DST: variants seen among roughly 807,000 people sequenced by gnomAD.
The protein encoded by DST is bullous pemphigoid antigen.
In DST, 253 loss-of-function variants were observed where a neutral mutation model predicts 875.2. The observed-to-expected ratio is 0.29, with a 90% CI of 0.26 to 0.32. The LOEUF is 0.32. DST is among the 10% of genes least tolerant of loss of function. The pLI, the probability that DST is intolerant of heterozygous loss-of-function variation, is 1.00. For synonymous variants in DST, 3,124 were observed against 3,197.1 expected (o/e 0.98, Z 0.77); for missense variants, 8,287 against 9,111.6 (o/e 0.91, Z 3.68).
chr6:56,869,303 A>T (rs1195668926), intron 3 of DST, among the ~76,000 whole-genome samples: 7 of 152,226 alleles, frequency 4.6e-5, no homozygotes, highest in Admixed American at 4.6e-4. Context: ...GGGGCAGGAA[A>T]ATAAGAAAAA....
At chr6:56,875,266 G>A (rs920876666) in intron 3 of DST, among the ~76,000 whole-genome samples, 2 of 152,210 alleles carry the variant, frequency 1.3e-5, no homozygotes, top group South Asian at 2.1e-4. Context: ...TTACAGGCAT[G>A]AGCCACCATG....
At chr6:56,618,395 G>A (rs774839539) in intron 36 of DST, 1 of 1,614,110 alleles carries the variant, frequency 6.2e-7, no homozygotes, top group Non-Finnish European at 8.5e-7. Flanking sequence ...CTCAAAATCT[G>A]GTTTGAAGGT....
At chr6:56,642,984 A>G (rs2098920910) in intron 15 of DST, 1 of 1,326,156 alleles carries the variant, frequency 7.5e-7, no homozygotes, top group South Asian at 1.5e-5. Context: ...AAAAGAATCT[A>G]GCCTAAAGCC....
rs372666226 is a variant in DST at position 56,607,264 on chromosome 6, T to C, written c.7364A>G (p.His2455Arg). The C allele has an allele frequency of 6.2e-7, 1 of 1,613,434 alleles. No homozygotes were observed. Among genetic ancestry groups the C allele is most frequent in the Non-Finnish European group, 8.5e-7 (1 of 1,179,654 alleles). The change falls in exon 40 of 104, where the codon CAC (histidine) becomes CGC (arginine). Residue 2455 changes from histidine (H) to arginine (R), a missense_variant. His to Arg is a conservative substitution (Grantham distance 29). Around this residue, in one of 10 missense-constraint regions of DST, gnomAD observed 3,138 missense variants for 3,116.6 expected, o/e 1.01. Coordinates refer to ENST00000680361, the MANE Select transcript of DST (RefSeq NM_001374736.1). ...MHSQGSFNDT[H>R]TPESNGNKCE... ...CTTATTTCCATTGCTCTCTGGGGTGTGTGTATCATTAAAACTTCCCTGACT... is the reference window on the plus strand; with the variant it reads ...CTTATTTCCATTGCTCTCTGGGGTGCGTGTATCATTAAAACTTCCCTGACT...
chr6:56,818,572 C>T (rs1162634712), intron 4 of DST, among the ~76,000 whole-genome samples: 2 of 152,068 alleles, frequency 1.3e-5, no homozygotes, highest in African/African-American at 4.8e-5. Flanking sequence ...GTGTCATCTC[C>T]CAAATGAACT....
At chr6:56,893,598 A>ATTTTTATTTT in intron 3 of DST, among the ~76,000 whole-genome samples, 1 of 72,058 alleles carries the variant, frequency 1.4e-5, no homozygotes. Context: ...ATTTTTTTTT[A>ATTTTTATTTT]TTTTTTATTT....
intron 55 of DST, among the ~76,000 whole-genome samples, chr6:56,563,356 CATGTGTCTGTTGGCTGCATAA>C (rs1045873207): frequency 6.6e-6 from 1 of 152,140 alleles, no homozygotes; most frequent in Non-Finnish European, 1.5e-5. Context: ...AGCATTTTTT[CATGTGTCTGTTGGCTGCATAA>C]ATGTCTTCTT....
chr6:56,656,293 CAACA>C (rs528039538), intron 10 of DST, among the ~76,000 whole-genome samples: 132 of 152,354 alleles, frequency 8.7e-4, no homozygotes, highest in Middle Eastern at 3.4e-3. Flanking sequence ...GAAGTGAGGA[CAACA>C]AACAGCGGTG....
At chr6:56,748,654 A>C (rs2099579121) in intron 4 of DST, among the ~76,000 whole-genome samples, 1 of 152,206 alleles carries the variant, frequency 6.6e-6, no homozygotes, top group South Asian at 2.1e-4. Context: ...ATCATCTCAC[A>C]ACAATCTTAC....
intron 45 of DST, among the ~76,000 whole-genome samples, chr6:56,599,728 A>G (rs1258265629): frequency 3.3e-5 from 5 of 152,128 alleles, no homozygotes; most frequent in African/African-American, 1.2e-4. Context: ...ACCCAAAGTG[A>G]TGGCTATTTC....
chr6:56,694,037 TCATATATATATATATA>T (rs1224890234), intron 9 of DST, among the ~76,000 whole-genome samples: 2 of 148,776 alleles, frequency 1.3e-5, no homozygotes, highest in Non-Finnish European at 3.0e-5. Context: ...ATATGTGCAT[TCATATATATATATATA>T]CATATATATA....
At chr6:56,626,340 C>CA (rs2098734971) in intron 34 of DST, among the ~76,000 whole-genome samples, 1 of 152,124 alleles carries the variant, frequency 6.6e-6, no homozygotes, top group South Asian at 2.1e-4. Context: ...GTGCTCTATA[C>CA]AAGTGTACCA....
At chr6:56,842,761 G>A (rs1238383221) in intron 4 of DST, among the ~76,000 whole-genome samples, 2 of 152,136 alleles carry the variant, frequency 1.3e-5, no homozygotes, top group Non-Finnish European at 2.9e-5. Context: ...ATGATTACGC[G>A]TAGTGCTTAA....
chr6:56,762,234 C>T (rs1385041322), intron 4 of DST, among the ~76,000 whole-genome samples: 1 of 152,172 alleles, frequency 6.6e-6, no homozygotes, highest in Non-Finnish European at 1.5e-5. Context: ...GTTGGTCAGG[C>T]TGGTCTCGAA....
chr6:56,925,722 G>C (rs1432048066), intron 2 of DST, among the ~76,000 whole-genome samples: 1 of 152,152 alleles, frequency 6.6e-6, no homozygotes, highest in Non-Finnish European at 1.5e-5. Flanking sequence ...TCCTTTCCAA[G>C]TGGAAGCATC....
chr6:56,713,114 A>G (rs966947176), intron 5 of DST, among the ~76,000 whole-genome samples: 68 of 152,218 alleles, frequency 4.5e-4, no homozygotes, highest in African/African-American at 1.6e-3. Flanking sequence ...AATCTTAATC[A>G]TGGTTGGTGA....
intron 71 of DST, among the ~76,000 whole-genome samples, chr6:56,516,943 C>T (rs1031741364): frequency 3.9e-5 from 6 of 152,140 alleles, no homozygotes; most frequent in African/African-American, 9.7e-5. Context: ...ATGCTTAATG[C>T]GTGCCAGTTA....
rs772231605 is a variant in DST, at chr6:56,692,905, TGCTGTACCAGTCCCCTGGATAAAGGA to T, written c.1047+6722_1047+6747del. 4 of 1,289,840 alleles carry T rather than the reference TGCTGTACCAGTCCCCTGGATAAAGGA, an allele frequency of 3.1e-6. No individual in the cohort carries two copies. In the South Asian group the frequency reaches 3.7e-5, roughly 12 times the overall value. The allele number at this position is 1,289,840 out of a possible 1,614,324, so 79.9% of individuals were successfully genotyped here. ...TGCAGAGTTTAGGGTAACAGATTCCTGCTGTACCAGTCCCCTGGATAAAGGAGCTGGCTGTTCTTTTGAAGGCTGAC... is the reference window on the plus strand; with the variant it reads ...TGCAGAGTTTAGGGTAACAGATTCCTGCTGGCTGTTCTTTTGAAGGCTGAC... On this transcript the variant is annotated intron_variant, in intron 9 of 103. Transcript: ENST00000680361.
At chr6:56,831,175 A>G (rs1166977463) in intron 4 of DST, among the ~76,000 whole-genome samples, 4 of 152,192 alleles carry the variant, frequency 2.6e-5, no homozygotes, top group Admixed American at 6.5e-5. Flanking sequence ...GTCACATCCA[A>G]TCTTTACATT....
Sources: allele counts gnomAD v4.1 joint callset (sites outside exome capture counted in the v4.1 genomes callset), GRCh38; gene constraint gnomAD v4.1.1; regional missense constraint gnomAD v4.1.1; transcripts MANE v1.5; gene names NCBI Gene and HGNC (gene_info 2026-07-23, HGNC 2026-07-21).